The following IMMP2L variants were observed in gnomAD, a reference collection of about 807,000 sequenced individuals.
IMMP2L encodes inner mitochondrial membrane peptidase subunit 2, also known as mitochondrial inner membrane protease subunit 2.
Under a neutral mutation model 19.3 loss-of-function variants are expected in IMMP2L, and 18 were observed. The ratio of observed to expected loss-of-function variants is 0.93; its 90% CI spans 0.64 to 1.38. The LOEUF (loss-of-function observed/expected upper bound fraction) is 1.38. Among genes scored for constraint, IMMP2L ranks in the 40% most tolerant of loss-of-function variants. The pLI is 0.00. For synonymous variants in IMMP2L, 76 were observed against 73.0 expected, an observed-to-expected ratio of 1.04 and a Z score of -0.21; for missense variants, 233 against 218.2, an observed-to-expected ratio of 1.07 and a Z score of -0.43.
At chr7:111,341,732 C>T (rs755149240) in intron 3 of IMMP2L, among the ~76,000 whole-genome samples, 19 of 152,122 alleles carry the variant, frequency 1.2e-4, no homozygotes, top group Admixed American at 4.6e-4. Flanking sequence ...ATGGTCTGAA[C>T]GTGTCTTCCA....
intron 3 of IMMP2L, among the ~76,000 whole-genome samples, chr7:111,384,161 AAGG>A (rs893981785): frequency 2.0e-5 from 3 of 151,590 alleles, no homozygotes; most frequent in Non-Finnish European, 4.4e-5. Flanking sequence ...GATGAAGAAG[AAGG>A]AGGAGAAAGG....
intron 4 of IMMP2L, among the ~76,000 whole-genome samples, chr7:110,955,088 A>G (rs56907799): frequency 0.47 from 71,882 of 151,804 alleles, 18,299 homozygotes; most frequent in Non-Finnish European, 0.58. Flanking sequence ...GATTCTATAT[A>G]TAATCTTAAA....
intron 3 of IMMP2L, among the ~76,000 whole-genome samples, chr7:111,071,193 T>C (rs1352202129): frequency 6.6e-6 from 1 of 152,058 alleles, no homozygotes; most frequent in African/African-American, 2.4e-5. Flanking sequence ...ACTAAAATTA[T>C]AAGAATTTTT....
intron 3 of IMMP2L, among the ~76,000 whole-genome samples, chr7:111,365,085 C>A (rs1829642512): frequency 6.6e-6 from 1 of 151,906 alleles, no homozygotes. Context: ...ACAGGAAATA[C>A]CTTAAGAAAT....
intron 3 of IMMP2L, among the ~76,000 whole-genome samples, chr7:111,087,324 C>T (rs1333109457): frequency 2.6e-5 from 4 of 151,844 alleles, no homozygotes; most frequent in Non-Finnish European, 5.9e-5. Context: ...TGGCACGCGC[C>T]TATAGTCCCA....
chr7:110,927,585 A>T (rs1456060454), intron 4 of IMMP2L, among the ~76,000 whole-genome samples: 4 of 152,054 alleles, frequency 2.6e-5, no homozygotes, highest in Non-Finnish European at 5.9e-5. Flanking sequence ...GGTTTTATAT[A>T]TGGAGGAAAG....
intron 3 of IMMP2L, among the ~76,000 whole-genome samples, chr7:111,108,778 T>G (rs1314692393): frequency 1.3e-5 from 2 of 152,146 alleles, no homozygotes; most frequent in African/African-American, 2.4e-5. Context: ...AATTCAGCAT[T>G]CACCAACAAA....
At chr7:111,111,665 C>T (rs1682359537) in intron 3 of IMMP2L, among the ~76,000 whole-genome samples, 1 of 151,938 alleles carries the variant, frequency 6.6e-6, no homozygotes, top group African/African-American at 2.4e-5. Context: ...ATGTCCCCCC[C>T]TGCGTCAATA....
intron 3 of IMMP2L, among the ~76,000 whole-genome samples, chr7:110,990,293 G>A (rs1250531237): frequency 6.6e-6 from 1 of 152,034 alleles, no homozygotes; most frequent in African/African-American, 2.4e-5. Flanking sequence ...TAAAATGCAT[G>A]GCTGTTGCCT....
At chr7:111,297,873 C>A (rs573952649) in intron 3 of IMMP2L, among the ~76,000 whole-genome samples, 2 of 151,910 alleles carry the variant, frequency 1.3e-5, no homozygotes, top group Non-Finnish European at 2.9e-5. Context: ...TCCACTGTGA[C>A]AAAAAGATCA....
At chr7:111,119,738 A>T (rs1800354977) in intron 3 of IMMP2L, among the ~76,000 whole-genome samples, 1 of 152,204 alleles carries the variant, frequency 6.6e-6, no homozygotes, top group South Asian at 2.1e-4. Flanking sequence ...TTGAGCACAT[A>T]CTACATTATA....
intron 3 of IMMP2L, among the ~76,000 whole-genome samples, chr7:111,043,635 A>T (rs1175822859): frequency 6.6e-6 from 1 of 152,224 alleles, no homozygotes; most frequent in African/African-American, 2.4e-5. Flanking sequence ...ATGTTTCAAT[A>T]CTGGAAAATG....
At chr7:110,844,165 T>C (rs1805397317) in intron 5 of IMMP2L, among the ~76,000 whole-genome samples, 1 of 152,136 alleles carries the variant, frequency 6.6e-6, no homozygotes, top group African/African-American at 2.4e-5. Flanking sequence ...CTGAGAAACA[T>C]TTTTCGACAT....
chr7:111,186,713 G>A (rs1427835115), intron 3 of IMMP2L, among the ~76,000 whole-genome samples: 1 of 152,052 alleles, frequency 6.6e-6, no homozygotes, highest in East Asian at 1.9e-4. Flanking sequence ...TTACAGGCAT[G>A]AGCCACCGTG....
At chr7:111,523,541 T>C (rs1186639983) in intron 1 of IMMP2L, among the ~76,000 whole-genome samples, 1 of 152,120 alleles carries the variant, frequency 6.6e-6, no homozygotes, top group African/African-American at 2.4e-5. Flanking sequence ...CTGACATCAA[T>C]GAGGGCTATA....
chr7:110,964,815 A>G (rs1563117447), intron 3 of IMMP2L, among the ~76,000 whole-genome samples: 1 of 151,460 alleles, frequency 6.6e-6, no homozygotes, highest in Non-Finnish European at 1.5e-5. Flanking sequence ...CATCTCTTTC[A>G]TGGATCACTC....
intron 3 of IMMP2L, among the ~76,000 whole-genome samples, chr7:111,464,876 C>T (rs1329649752): frequency 6.6e-6 from 1 of 152,162 alleles, no homozygotes; most frequent in East Asian, 1.9e-4. Context: ...GCAAGCTCCG[C>T]CTCCCGGGTT....
chr7:110,841,366 A>T (rs1159215927), intron 5 of IMMP2L, among the ~76,000 whole-genome samples: 1 of 150,038 alleles, frequency 6.7e-6, no homozygotes, highest in Non-Finnish European at 1.5e-5. Flanking sequence ...ACAACAGATG[A>T]GACCAAAAAA....
intron 2 of IMMP2L, among the ~76,000 whole-genome samples, chr7:111,516,280 A>C (rs552639254): frequency 1.3e-5 from 2 of 152,210 alleles, no homozygotes; most frequent in African/African-American, 2.4e-5. Context: ...GGCATGATGT[A>C]TGCAACCTAC....
Sources: allele counts gnomAD v4.1 joint callset (sites outside exome capture counted in the v4.1 genomes callset), GRCh38; gene constraint gnomAD v4.1.1; transcripts MANE v1.5; gene names NCBI Gene and HGNC (gene_info 2026-07-23, HGNC 2026-07-21).